SLC35D4: variants seen among roughly 807,000 people sequenced by gnomAD.
SLC35D4 encodes UDP-N-acetylglucosamine transporter SLC35D4.
chr18:23,289,336 C>T, the SLC35D4 span, among the ~76,000 whole-genome samples: 3 of 152,226 alleles, frequency 2.0e-5, no homozygotes, highest in Admixed American at 6.5e-5. Context: ...ATTCTAAAAC[C>T]TTTAATACCT....
the SLC35D4 span, chr18:23,253,712 T>C: frequency 6.2e-7 from 1 of 1,610,728 alleles, no homozygotes; most frequent in Non-Finnish European, 8.5e-7. Context: ...TGTTCCCTCT[T>C]GCCTGTCTTT....
chr18:23,405,503 T>G, the SLC35D4 span, among the ~76,000 whole-genome samples: 2 of 152,360 alleles, frequency 1.3e-5, no homozygotes, highest in African/African-American at 4.8e-5. Flanking sequence ...TTCTGTTGTT[T>G]ATAAGCCAGC....
At chr18:23,364,426 CA>C in the SLC35D4 span, among the ~76,000 whole-genome samples, 3 of 152,174 alleles carry the variant, frequency 2.0e-5, no homozygotes, top group African/African-American at 7.2e-5. Context: ...CACGAAGCCA[CA>C]AGGAGCACAA....
the SLC35D4 span, among the ~76,000 whole-genome samples, chr18:23,246,266 A>G: frequency 1.4e-5 from 1 of 71,608 alleles, no homozygotes; most frequent in East Asian, 2.3e-4. Context: ...ACTCCATCTC[A>G]AAAAAAAAAA....
At chr18:23,411,515 A>C in the SLC35D4 span, among the ~76,000 whole-genome samples, 1 of 151,072 alleles carries the variant, frequency 6.6e-6, no homozygotes, top group Non-Finnish European at 1.5e-5. Flanking sequence ...GAAAGAAAGA[A>C]AGAAAGAAAG....
chr18:23,369,015 G>A, the SLC35D4 span, among the ~76,000 whole-genome samples: 2 of 152,152 alleles, frequency 1.3e-5, no homozygotes, highest in Non-Finnish European at 2.9e-5. Context: ...CACTGGACTG[G>A]CTTTTGGGGC....
the SLC35D4 span, among the ~76,000 whole-genome samples, chr18:23,253,493 CA>C: frequency 6.6e-6 from 1 of 151,984 alleles, no homozygotes; most frequent in Non-Finnish European, 1.5e-5. Context: ...AAAAGAAAAA[CA>C]AAAAAAGTAA....
chr18:23,416,051 T>C, the SLC35D4 span, among the ~76,000 whole-genome samples: 1 of 151,878 alleles, frequency 6.6e-6, no homozygotes, highest in Non-Finnish European at 1.5e-5. Context: ...CCACTAAAAA[T>C]ACAAAAAAAA....
At chr18:23,435,450 G>C in the SLC35D4 span, among the ~76,000 whole-genome samples, 1 of 152,188 alleles carries the variant, frequency 6.6e-6, no homozygotes, top group East Asian at 1.9e-4. Flanking sequence ...AAAAGCCAGA[G>C]ATTTCACAAA....
At chr18:23,347,206 T>C in the SLC35D4 span, among the ~76,000 whole-genome samples, 1 of 152,228 alleles carries the variant, frequency 6.6e-6, no homozygotes, top group Non-Finnish European at 1.5e-5. Flanking sequence ...ATGGATGTAT[T>C]CAGATTTTTC....
At chr18:23,422,469 C>T in the SLC35D4 span, among the ~76,000 whole-genome samples, 20 of 152,228 alleles carry the variant, frequency 1.3e-4, no homozygotes, top group East Asian at 7.7e-4. Context: ...ATCCCCATAA[C>T]AGCATTCAAA....
the SLC35D4 span, among the ~76,000 whole-genome samples, chr18:23,283,019 C>G: frequency 2.0e-5 from 3 of 151,564 alleles, no homozygotes; most frequent in Non-Finnish European, 2.9e-5. Flanking sequence ...GTCTGACACA[C>G]CTTGTTATAC....
the SLC35D4 span, among the ~76,000 whole-genome samples, chr18:23,411,257 C>CAGGGAGAGAGAAGGGA: frequency 2.0e-5 from 2 of 101,990 alleles, no homozygotes; most frequent in Non-Finnish European, 3.7e-5. Flanking sequence ...AAGGGAAGGG[C>CAGGGAGAGAGAAGGGA]AGGGAGAGAG....
the SLC35D4 span, among the ~76,000 whole-genome samples, chr18:23,397,939 G>A: frequency 6.6e-6 from 1 of 152,158 alleles, no homozygotes; most frequent in Admixed American, 6.6e-5. Context: ...TGTATTCCCT[G>A]CTACTTGGGA....
chr18:23,427,090 T>C, the SLC35D4 span, among the ~76,000 whole-genome samples: 2 of 152,134 alleles, frequency 1.3e-5, no homozygotes, highest in African/African-American at 4.8e-5. Context: ...GGCAATACCA[T>C]TCAGGACATA....
chr18:23,433,573 G>A, the SLC35D4 span, among the ~76,000 whole-genome samples: 1 of 152,126 alleles, frequency 6.6e-6, no homozygotes, highest in Non-Finnish European at 1.5e-5. Flanking sequence ...ATCAGCCAGG[G>A]CCAGCCCAGG....
chr18:23,253,867 G>C, the SLC35D4 span: 9 of 1,614,092 alleles, frequency 5.6e-6, no homozygotes, highest in Middle Eastern at 3.3e-4. Context: ...TGTGTGCTGG[G>C]GCATGTGTGC....
chr18:23,246,273 AAAAAG>A, the SLC35D4 span, among the ~76,000 whole-genome samples: 2 of 152,012 alleles, frequency 1.3e-5, no homozygotes, highest in Non-Finnish European at 2.9e-5. Flanking sequence ...CTCAAAAAAA[AAAAAG>A]AAAACAGTGG....
chr18:23,361,081 AAG>A, the SLC35D4 span, among the ~76,000 whole-genome samples: 3 of 138,580 alleles, frequency 2.2e-5, no homozygotes, highest in African/African-American at 8.0e-5. Flanking sequence ...CAGCCTGGGC[AAG>A]AGAGTTCGAG....
Sources: allele counts gnomAD v4.1 joint callset (sites outside exome capture counted in the v4.1 genomes callset), GRCh38; gene constraint gnomAD v4.1.1; transcripts MANE v1.5; gene names NCBI Gene and HGNC (gene_info 2026-07-23, HGNC 2026-07-21).